BRINP1: variants seen among roughly 807,000 people sequenced by gnomAD.
BRINP1 encodes BMP/retinoic acid inducible neural specific 1.
Under a neutral mutation model 72.9 loss-of-function variants are expected in BRINP1, and 17 were observed. That is an observed-to-expected ratio of 0.23 (90% CI 0.16 to 0.35). The LOEUF (loss-of-function observed/expected upper bound fraction) is 0.35, where lower values mean the gene tolerates loss of function less well. Ranked by LOEUF, BRINP1 falls within the 10% of genes least tolerant of loss-of-function variation. BRINP1 has a pLI of 1.00. For synonymous variants in BRINP1, 418 were observed against 378.5 expected (o/e 1.10, Z -1.21); for missense variants, 850 against 1,001.6 (o/e 0.85, Z 2.04).
At chr9:119,205,588 A>T (rs1201917289) in intron 7 of BRINP1, among the ~76,000 whole-genome samples, 1 of 152,086 alleles carries the variant, frequency 6.6e-6, no homozygotes, top group African/African-American at 2.4e-5. Context: ...AGACTCCTTG[A>T]CTTTTCCCAG....
chr9:119,368,167 A>G lies in BRINP1; in HGVS notation c.-51+889T>C, dbSNP rs1831715739. Reference sequence around the variant, plus strand: ...CCTCCCCAAAACCAACAGAAGCCGGAGGGGCTCTGTTGATTGCAAACGGGG... The same window carrying G: ...CCTCCCCAAAACCAACAGAAGCCGGGGGGGCTCTGTTGATTGCAAACGGGG... On this transcript the variant is annotated intron_variant, in intron 1 of 7. Transcript: ENST00000265922. This position sits in a 1 kb window ranked among gnomAD's most constrained non-coding sequence, Gnocchi z 4.7. Among the ~76,000 whole-genome samples, 1 of 152,182 alleles carries G rather than the reference A, an allele frequency of 6.6e-6. No individual in the cohort carries two copies. Among genetic ancestry groups the G allele is most frequent in the South Asian group, 2.1e-4 (1 of 4,828 alleles).
intron 1 of BRINP1, among the ~76,000 whole-genome samples, chr9:119,327,112 C>T (rs1831249055): frequency 6.6e-6 from 1 of 152,164 alleles, no homozygotes; most frequent in African/African-American, 2.4e-5. Flanking sequence ...CATATCATTA[C>T]CAACAACTGG....
intron 2 of BRINP1, among the ~76,000 whole-genome samples, chr9:119,308,643 G>A (rs1240411846): frequency 2.6e-5 from 4 of 152,146 alleles, no homozygotes; most frequent in Non-Finnish European, 5.9e-5. Context: ...GACAACAGAG[G>A]AGGGCTGAGA....
chr9:119,218,711 C>T (rs1830007046), intron 5 of BRINP1, among the ~76,000 whole-genome samples: 1 of 150,620 alleles, frequency 6.6e-6, no homozygotes, highest in East Asian at 2.0e-4. Flanking sequence ...CAGTTGAGAC[C>T]TCTGGCAATG....
intron 5 of BRINP1, among the ~76,000 whole-genome samples, chr9:119,225,147 C>A (rs1830076973): frequency 6.6e-6 from 1 of 151,822 alleles, no homozygotes; most frequent in Non-Finnish European, 1.5e-5. Context: ...GTCCACTGAC[C>A]AATAAATGAA....
chr9:119,369,040 C>G lies in BRINP1; in HGVS notation c.-51+16G>C. The G allele has an allele frequency of 2.5e-6, 1 of 395,488 alleles. No homozygotes were observed. Among genetic ancestry groups the G allele is most frequent in the Non-Finnish European group, 4.5e-6 (1 of 224,458 alleles). 24.5% of individuals were successfully genotyped at this position (395,488 alleles called of 1,614,324 possible). ...GGCAGCGGGGCTGCGGGGCGCTGCA[C>G]CCGGCGCCGCCTTACCTGGAGTCAA... On this transcript the variant is annotated intron_variant, in intron 1 of 7. Coordinates refer to ENST00000265922, the MANE Select transcript of BRINP1 (RefSeq NM_014618.3).
At chr9:119,284,327 G>A (rs576864390) in intron 2 of BRINP1, among the ~76,000 whole-genome samples, 35 of 152,276 alleles carry the variant, frequency 2.3e-4, no homozygotes, top group East Asian at 3.9e-4. Context: ...TTCTCTTCCC[G>A]CTGTGGGAGG....
chr9:119,167,819 G>A lies in BRINP1; in HGVS notation c.1551C>T (p.Asp517=), dbSNP rs370536658. 2.5e-5 allele frequency: 41 copies of A among 1,614,016 alleles called. No individual in the cohort carries two copies. The highest frequency in any genetic ancestry group is 3.3e-5 in the Non-Finnish European group (39 of 1,180,036). The change falls in exon 8 of 8, where the codon GAC becomes GAT. Residue 517 remains aspartate (D), a synonymous_variant. Coordinates refer to ENST00000265922, the MANE Select transcript of BRINP1 (RefSeq NM_014618.3). This position sits in a 1 kb window ranked among gnomAD's most constrained non-coding sequence, Gnocchi z 4.3. ...GGGACATGCGCTTGCGCCACCGAGG[G>A]TCAAAGAAGGTGTCGAGGCGGATCT... is the stretch of plus-strand genomic sequence containing the variant. ...SNEIRLDTFF[D]PRWRKRMSLT...
At chr9:119,262,576 G>GC (rs1446050548) in intron 2 of BRINP1, among the ~76,000 whole-genome samples, 1 of 151,156 alleles carries the variant, frequency 6.6e-6, no homozygotes, top group Non-Finnish European at 1.5e-5. Flanking sequence ...AACCCGGGAG[G>GC]CAGAGGTTGC....
At chr9:119,315,045 CT>C (rs1221058791) in intron 1 of BRINP1, among the ~76,000 whole-genome samples, 7 of 152,078 alleles carry the variant, frequency 4.6e-5, no homozygotes, top group Non-Finnish European at 1.5e-5. Flanking sequence ...AGGTCATTTT[CT>C]TTTTTTATTA....
At chr9:119,210,176 C>T (rs1329286291) in intron 6 of BRINP1, among the ~76,000 whole-genome samples, 1 of 152,142 alleles carries the variant, frequency 6.6e-6, no homozygotes, top group East Asian at 1.9e-4. Flanking sequence ...TCTAATAATC[C>T]AATCTGTTGT....
At chr9:119,301,536 G>A (rs1032170731) in intron 2 of BRINP1, among the ~76,000 whole-genome samples, 1 of 152,208 alleles carries the variant, frequency 6.6e-6, no homozygotes, top group Non-Finnish European at 1.5e-5. Context: ...ATGAGAGAGA[G>A]GTTTGACTGT....
chr9:119,333,045 A>G (rs571928241), intron 1 of BRINP1, among the ~76,000 whole-genome samples: 1 of 152,246 alleles, frequency 6.6e-6, no homozygotes, highest in African/African-American at 2.4e-5. Context: ...TGCTAGATCT[A>G]TTCAAAGCTT....
Position 119,223,143 on chromosome 9 carries a change from G to T in BRINP1, c.686-8988C>A, listed in dbSNP as rs192424308. Reference sequence around the variant, plus strand: ...TGTTTGACCTTGAAGAAGCTAAGAGGCTTAACTTCTCTGATCCCCAGTTTT... The same window carrying T: ...TGTTTGACCTTGAAGAAGCTAAGAGTCTTAACTTCTCTGATCCCCAGTTTT... On this transcript the variant is annotated intron_variant, in intron 5 of 7. Transcript: ENST00000265922. Among the ~76,000 whole-genome samples, 19 of 152,134 alleles carry T rather than the reference G, an allele frequency of 1.2e-4. No individual in the cohort carries two copies. The East Asian group carries it at 3.7e-3, about 29-fold the overall frequency.
chr9:119,198,491 G>C (rs978648189), intron 7 of BRINP1, among the ~76,000 whole-genome samples: 2 of 152,154 alleles, frequency 1.3e-5, no homozygotes, highest in African/African-American at 4.8e-5. Flanking sequence ...TAGAGAGTCT[G>C]AAGTCCTAAG....
intron 2 of BRINP1, among the ~76,000 whole-genome samples, chr9:119,253,843 G>T (rs550418089): frequency 6.6e-6 from 1 of 152,274 alleles, no homozygotes; most frequent in African/African-American, 2.4e-5. Flanking sequence ...CAGGATGAAT[G>T]ACTATGTGTC....
chr9:119,311,000 T>A (rs1001205957), intron 2 of BRINP1, among the ~76,000 whole-genome samples: 1 of 152,214 alleles, frequency 6.6e-6, no homozygotes, highest in Non-Finnish European at 1.5e-5. Context: ...CTAATCCTTG[T>A]ACATTGTTGG....
At chr9:119,259,816 GTTTTAA>G (rs1830480729) in intron 2 of BRINP1, among the ~76,000 whole-genome samples, 1 of 152,186 alleles carries the variant, frequency 6.6e-6, no homozygotes, top group Admixed American at 6.5e-5. Flanking sequence ...ACAAGAGCTG[GTTTTAA>G]AATCCAGGTC....
Position 119,168,163 on chromosome 9 carries a change from A to G in BRINP1, c.1207T>C (p.Trp403Arg). ...SLLYCNENGF[W>R]GTFLESQRSC... ...CGCTGGCTCTCCAGGAAGGTTCCCCAAAACCCATTCTCATTACAGTAGAGG... is the reference window on the plus strand; with the variant it reads ...CGCTGGCTCTCCAGGAAGGTTCCCCGAAACCCATTCTCATTACAGTAGAGG... Residue 403 changes from tryptophan (W) to arginine (R), a missense_variant, in exon 8 of 8, where the codon TGG becomes CGG. Transcript: ENST00000265922. The G allele has an allele frequency of 6.3e-7, 1 of 1,580,702 alleles. No homozygotes were observed. Among genetic ancestry groups the G allele is most frequent in the Non-Finnish European group, 8.6e-7 (1 of 1,161,458 alleles).
Sources: allele counts gnomAD v4.1 joint callset (sites outside exome capture counted in the v4.1 genomes callset), GRCh38; gene constraint gnomAD v4.1.1; non-coding constraint Gnocchi (gnomAD v3.1); transcripts MANE v1.5; gene names NCBI Gene and HGNC (gene_info 2026-07-23, HGNC 2026-07-21).